TRAK1: variants seen among roughly 807,000 people sequenced by gnomAD.
The protein encoded by TRAK1 is trafficking kinesin protein 1.
A neutral mutation model predicts 92.1 loss-of-function variants in TRAK1; 33 were observed. The observed-to-expected ratio is 0.36, with a 90% confidence interval of 0.27 to 0.48. The LOEUF is 0.48. TRAK1 is among the 20% of genes least tolerant of loss of function. TRAK1 has a pLI of 0.99. For synonymous variants in TRAK1, 521 were observed against 517.3 expected (o/e 1.01, Z -0.10); for missense variants, 1,123 against 1,257.9 (o/e 0.89, Z 1.62).
At chr3:42,210,912 C>G (rs1404883596) in intron 14 of TRAK1, 21 of 985,150 alleles carry the variant, frequency 2.1e-5, no homozygotes, top group Non-Finnish European at 2.5e-5. Flanking sequence ...CCAGTTGCCA[C>G]TGGGATGAAA....
intron 1 of TRAK1, among the ~76,000 whole-genome samples, chr3:42,115,437 G>A (rs531105973): frequency 6.6e-6 from 1 of 152,200 alleles, no homozygotes; most frequent in Non-Finnish European, 1.5e-5. Flanking sequence ...TTCCAAACAC[G>A]GCTGAGTCGG....
chr3:42,159,129 T>C (rs949575917), intron 2 of TRAK1, among the ~76,000 whole-genome samples: 80 of 152,270 alleles, frequency 5.3e-4, no homozygotes, highest in African/African-American at 1.9e-3. Context: ...TTAGCTGACA[T>C]TTTTAGCCAC....
chr3:42,030,252 T>G (rs1412319678), intron 1 of TRAK1, among the ~76,000 whole-genome samples: 1 of 149,210 alleles, frequency 6.7e-6, no homozygotes, highest in African/African-American at 2.5e-5. Flanking sequence ...TGGGCAACAT[T>G]GGGAGGCTGA....
rs953091833 is a variant in TRAK1, at chr3:42,141,959, A to T, written c.286+16345A>T. Among the ~76,000 whole-genome samples, 5 of 152,194 alleles carry T rather than the reference A, an allele frequency of 3.3e-5. No homozygotes were observed. In the South Asian group the frequency reaches 8.3e-4, roughly 25 times the overall value. Reference sequence around the variant, plus strand: ...GAGACCAGCCTGGCTAACATGACGAAAACCTGTCTCTACCAAAAATACAAA... The same window carrying T: ...GAGACCAGCCTGGCTAACATGACGATAACCTGTCTCTACCAAAAATACAAA... On this transcript the variant is annotated intron_variant, in intron 2 of 15. Coordinates refer to ENST00000327628, the MANE Select transcript of TRAK1 (RefSeq NM_001042646.3).
At chr3:42,103,540 C>G (rs897868605) in intron 1 of TRAK1, among the ~76,000 whole-genome samples, 4 of 152,166 alleles carry the variant, frequency 2.6e-5, no homozygotes, top group African/African-American at 9.7e-5. Flanking sequence ...AGGCTTGCCC[C>G]TAACCTTGGA....
chr3:42,068,071 A>G (rs957788857), intron 1 of TRAK1, among the ~76,000 whole-genome samples: 56 of 151,826 alleles, frequency 3.7e-4, no homozygotes, highest in African/African-American at 1.3e-3. Context: ...GAGGCGGAAG[A>G]TCCCTTGAAC....
intron 2 of TRAK1, among the ~76,000 whole-genome samples, chr3:42,127,487 G>A (rs1559803637): frequency 6.6e-6 from 1 of 151,728 alleles, no homozygotes; most frequent in Non-Finnish European, 1.5e-5. Context: ...TGAGTAGCTA[G>A]GACTACATGT....
In TRAK1 at chr3:42,175,298, A is replaced by C. The variant is rs184942755; in HGVS notation, c.287-1516A>C. 5.9e-3 allele frequency among the ~76,000 whole-genome samples: 893 copies of C among 152,306 alleles called. 28 individuals carry two copies. The highest frequency in any genetic ancestry group is 0.053 in the Admixed American group (818 of 15,306). On this transcript the variant is annotated intron_variant, in intron 2 of 15. Transcript: ENST00000327628. ...AGACCATCACAGCTGTGCGTGAAGA[A>C]GACTAACTCGGGTTGGTAGCATAGG...
chr3:42,210,156 G>A (rs1261420730), intron 14 of TRAK1, 171 bp downstream of exon 14: 2 of 1,597,558 alleles, frequency 1.3e-6, no homozygotes, highest in Admixed American at 1.7e-5. Context: ...TGTAAACTTG[G>A]CACCTTTCCC....
chr3:42,169,983 C>T (rs564613644), intron 2 of TRAK1, among the ~76,000 whole-genome samples: 3 of 152,176 alleles, frequency 2.0e-5, no homozygotes, highest in African/African-American at 7.2e-5. Flanking sequence ...ACAGTCCGTA[C>T]GAGAAGGAAA....
In TRAK1 at chr3:42,091,411, T is replaced by G; in HGVS notation, c.-59T>G. On this transcript the variant is annotated 5_prime_UTR_variant, in exon 1 of 16. Transcript: ENST00000327628. Reference sequence around the variant, plus strand: ...TGGCTGTGCGAGGTACTGCCGGGGCTGAGCTCTCATGGAGGCTCTCTCTGT... The same window carrying G: ...TGGCTGTGCGAGGTACTGCCGGGGCGGAGCTCTCATGGAGGCTCTCTCTGT... 6.5e-7 allele frequency: 1 copy of G among 1,531,134 alleles called. No individual in the cohort carries two copies. The highest frequency in any genetic ancestry group is 1.4e-5 in the African/African-American group (1 of 72,814). 94.8% of individuals were successfully genotyped at this position (1,531,134 alleles called of 1,614,324 possible). A position where few individuals can be genotyped will look rare whatever the true frequency, so the allele number is the denominator to read the frequency against.
At chr3:42,189,616 C>T (rs979825139) in intron 6 of TRAK1, among the ~76,000 whole-genome samples, 4 of 152,062 alleles carry the variant, frequency 2.6e-5, no homozygotes, top group African/African-American at 4.8e-5. Flanking sequence ...CTGCAACCTT[C>T]GCCTCCCAGG....
chr3:42,148,690 T>C (rs764085882), intron 2 of TRAK1, among the ~76,000 whole-genome samples: 9 of 152,216 alleles, frequency 5.9e-5, no homozygotes, highest in African/African-American at 1.2e-4. Context: ...TATTTGTATG[T>C]GACAGGCTGT....
intron 14 of TRAK1, chr3:42,219,273 G>A (rs913759749): frequency 1.0e-5 from 10 of 984,350 alleles, no homozygotes; most frequent in South Asian, 4.7e-5. Context: ...GGATTGGGTC[G>A]GAAGCTGGAA....
intron 14 of TRAK1, chr3:42,212,321 T>A: frequency 3.0e-6 from 3 of 985,448 alleles, no homozygotes; most frequent in Non-Finnish European, 3.6e-6. Flanking sequence ...GGAACTATTG[T>A]CTGCCTGGGA....
intron 14 of TRAK1, chr3:42,212,017 A>G (rs1181102773): frequency 9.1e-6 from 9 of 985,292 alleles, no homozygotes; most frequent in Non-Finnish European, 1.1e-5. Context: ...ATCTTTAAAA[A>G]CTGGCTTCAG....
At chr3:42,159,638 A>G (rs1701014745) in intron 2 of TRAK1, among the ~76,000 whole-genome samples, 1 of 152,234 alleles carries the variant, frequency 6.6e-6, no homozygotes, top group Non-Finnish European at 1.5e-5. Flanking sequence ...ATTTTATGAA[A>G]TGTAGATTGA....
At chr3:42,069,535 T>C (rs551623554) in intron 1 of TRAK1, among the ~76,000 whole-genome samples, 2 of 152,264 alleles carry the variant, frequency 1.3e-5, no homozygotes, top group East Asian at 3.9e-4. Flanking sequence ...TCTTTAATTA[T>C]ATTTTTACAT....
At chr3:42,080,774 G>A (rs2148950712) in intron 1 of TRAK1, among the ~76,000 whole-genome samples, 1 of 152,352 alleles carries the variant, frequency 6.6e-6, no homozygotes, top group African/African-American at 2.4e-5. Flanking sequence ...CTTCAAGCTA[G>A]AAAGTGGGTG....
Sources: gnomAD v4.1 joint callset for allele counts (sites outside exome capture counted in the v4.1 genomes callset) on GRCh38, gnomAD v4.1.1 for gene constraint, MANE v1.5 for transcripts, NCBI Gene and HGNC (gene_info 2026-07-23, HGNC 2026-07-21) for gene names.